JARID2: variants seen among roughly 807,000 people sequenced by gnomAD.
JARID2 encodes jumonji and AT-rich interaction domain containing 2.
In JARID2, 21 loss-of-function variants were observed where a neutral mutation model predicts 125.6. The ratio of observed to expected loss-of-function variants is 0.17; its 90% CI spans 0.12 to 0.24. JARID2 has a LOEUF of 0.24. Among genes scored for constraint, JARID2 ranks in the 10% least tolerant of loss-of-function variants. The pLI is 1.00. For synonymous variants in JARID2, 736 were observed against 661.6 expected (o/e 1.11, Z -1.73); for missense variants, 1,303 against 1,639.6 (o/e 0.79, Z 3.55).
intron 3 of JARID2, among the ~76,000 whole-genome samples, chr6:15,422,590 G>A (rs1246262057): frequency 6.6e-6 from 1 of 152,126 alleles, no homozygotes; most frequent in African/African-American, 2.4e-5. Flanking sequence ...AAAAACCCTT[G>A]GTTCAGACCT....
At chr6:15,361,213 A>G (rs1293934808) in intron 1 of JARID2, among the ~76,000 whole-genome samples, 1 of 152,168 alleles carries the variant, frequency 6.6e-6, no homozygotes, top group African/African-American at 2.4e-5. Flanking sequence ...ATGTTCCAGA[A>G]TTTAACCAGT....
At chr6:15,285,218 C>A (rs1360326551) in intron 1 of JARID2, among the ~76,000 whole-genome samples, 1 of 146,668 alleles carries the variant, frequency 6.8e-6, no homozygotes, top group East Asian at 2.1e-4. Context: ...TCAAGCGATT[C>A]TCTTGCCTCA....
intron 1 of JARID2, among the ~76,000 whole-genome samples, chr6:15,360,434 C>T (rs1453798336): frequency 3.9e-5 from 6 of 152,098 alleles, no homozygotes; most frequent in South Asian, 4.1e-4. Context: ...CTGCCCGCCT[C>T]GGCCTCCGAA....
Position 15,273,715 on chromosome 6 carries a change from A to G in JARID2, c.45+27131A>G, listed in dbSNP as rs146997001. Among the ~76,000 whole-genome samples the G allele has an allele frequency of 4.0e-3, 609 of 152,044 alleles. 8 individuals are homozygous for G. Among genetic ancestry groups the G allele is most frequent in the African/African-American group, 0.014 (579 of 41,320 alleles). ...AAACTCTGTCTCAAAAAACAAACAAACAAGCAAACAAAACAGCTGTTTCTC... is the reference window on the plus strand; with the variant it reads ...AAACTCTGTCTCAAAAAACAAACAAGCAAGCAAACAAAACAGCTGTTTCTC... On this transcript the variant is annotated intron_variant, in intron 1 of 17. Coordinates refer to ENST00000341776, the MANE Select transcript of JARID2 (RefSeq NM_004973.4).
chr6:15,348,150 G>T (rs1581440440), intron 1 of JARID2, among the ~76,000 whole-genome samples: 1 of 151,170 alleles, frequency 6.6e-6, no homozygotes, highest in Non-Finnish European at 1.5e-5. Context: ...GTAGTGCAGT[G>T]GTGTGATCTC....
At chr6:15,310,873 A>G (rs993816185) in intron 1 of JARID2, among the ~76,000 whole-genome samples, 1 of 152,164 alleles carries the variant, frequency 6.6e-6, no homozygotes, top group Non-Finnish European at 1.5e-5. Flanking sequence ...TGTGGGCTGG[A>G]GGTGGCTGAT....
intron 6 of JARID2, among the ~76,000 whole-genome samples, chr6:15,494,032 G>A (rs9476833): frequency 6.6e-6 from 1 of 152,086 alleles, no homozygotes; most frequent in African/African-American, 2.4e-5. Context: ...CTGGGTCTTC[G>A]CTTCTGCCTC....
At position 15,246,257 on chromosome 6, in the gene JARID2, T is replaced by G; in HGVS notation, c.-283T>G. ...AAGGGCGTCGGTTTTTTTTTGTGTG[T>G]GTGTGTATGTGTTTCGGGGGAAATT... On this transcript the variant is annotated 5_prime_UTR_variant, in exon 1 of 18. Transcript: ENST00000341776. The G allele has an allele frequency of 2.7e-5, 13 of 488,654 alleles. No individual in the cohort carries two copies. The highest frequency in any genetic ancestry group is 3.4e-5 in the East Asian group (1 of 29,338). 30.3% of individuals were successfully genotyped at this position (488,654 alleles called of 1,614,324 possible). A position where few individuals can be genotyped will look rare whatever the true frequency, so the allele number is the denominator to read the frequency against.
chr6:15,295,055 A>G (rs1389536036), intron 1 of JARID2, among the ~76,000 whole-genome samples: 1 of 152,058 alleles, frequency 6.6e-6, no homozygotes, highest in African/African-American at 2.4e-5. Context: ...TGCCTGGTAT[A>G]GAACCATCTT....
rs1475906919 is a variant in JARID2 at position 15,513,315 on chromosome 6, G to A, written c.3343G>A (p.Gly1115Ser). The A allele has an allele frequency of 6.2e-7, 1 of 1,609,970 alleles. No homozygotes were observed. Among genetic ancestry groups the A allele is most frequent in the Non-Finnish European group, 8.5e-7 (1 of 1,178,584 alleles). Residue 1115 changes from glycine to serine, a missense_variant, in exon 16 of 18, where the codon GGC becomes AGC. By Grantham distance (56) the Gly-to-Ser change is moderately conservative. This residue lies in a region of JARID2 where 190 missense variants were observed against 341.4 expected (regional missense o/e 0.56). Coordinates refer to ENST00000341776, the MANE Select transcript of JARID2 (RefSeq NM_004973.4). The part of the protein sequence containing the change: ...HSSARYGSHD[G>S]SSTVADGKKK... ...CTCCGCACGCTATGGCAGCCACGATGGCAGCAGCACGGTGGCGGACGGGAA... is the reference window on the plus strand; with the variant it reads ...CTCCGCACGCTATGGCAGCCACGATAGCAGCAGCACGGTGGCGGACGGGAA...
At position 15,383,181 on chromosome 6, in the gene JARID2, T is replaced by C. The variant is rs113907891; in HGVS notation, c.181+8929T>C. Among the ~76,000 whole-genome samples the C allele has an allele frequency of 5.2e-3, 787 of 152,106 alleles. 6 individuals are homozygous for C. The highest frequency in any genetic ancestry group is 0.041 in the South Asian group (197 of 4,810). ...TTGTAGTCTAGAATTTTTTTTTTTT[T>C]CTTTGAAACAGGGTCTTGCATGTTG... On this transcript the variant is annotated intron_variant, in intron 2 of 17. Transcript: ENST00000341776.
chr6:15,454,344 T>C (rs1768056691), intron 4 of JARID2, among the ~76,000 whole-genome samples: 1 of 152,182 alleles, frequency 6.6e-6, no homozygotes, highest in Non-Finnish European at 1.5e-5. Context: ...TCTTAACACA[T>C]AAGAAAGGAG....
chr6:15,321,801 T>G lies in JARID2; in HGVS notation c.46-52316T>G, dbSNP rs1257861531. The stretch of plus-strand genomic sequence containing the variant: ...AATTCTTGTTTTTTTTTTTTTTTTT[T>G]TTTTTTTTTGAGATGGAGTCTCACT... On this transcript the variant is annotated intron_variant, in intron 1 of 17. Transcript: ENST00000341776. 2.1e-5 allele frequency among the ~76,000 whole-genome samples: 3 copies of G among 140,984 alleles called. No individual in the cohort carries two copies. In the East Asian group the frequency reaches 6.1e-4, roughly 29 times the overall value. The allele number at this position is 140,984 out of a possible 152,430, so 92.5% of individuals were successfully genotyped here. A position where few individuals can be genotyped will look rare whatever the true frequency, so the allele number is the denominator to read the frequency against.
rs114797050 is a variant in JARID2, at chr6:15,480,381, C to T, written c.671-6926C>T. ...TTTCAGGTCATACACTGCATAATTC[C>T]AGGATATCTTATAACTTTTGCTGGA... On this transcript the variant is annotated intron_variant, in intron 5 of 17. Coordinates refer to ENST00000341776, the MANE Select transcript of JARID2 (RefSeq NM_004973.4). Among the ~76,000 whole-genome samples, 704 of 152,230 alleles carry T rather than the reference C, an allele frequency of 4.6e-3. 6 individuals are homozygous for T. The highest frequency in any genetic ancestry group is 0.016 in the African/African-American group (661 of 41,528).
At chr6:15,469,626 T>C (rs1768974315) in intron 5 of JARID2, among the ~76,000 whole-genome samples, 1 of 150,920 alleles carries the variant, frequency 6.6e-6, no homozygotes, top group African/African-American at 2.4e-5. Flanking sequence ...CCTAGTGGTT[T>C]TTCAATAGAG....
At chr6:15,516,218 A>G (rs1771552214) in intron 16 of JARID2, among the ~76,000 whole-genome samples, 1 of 152,156 alleles carries the variant, frequency 6.6e-6, no homozygotes, top group Non-Finnish European at 1.5e-5. Context: ...TTGCTTAGAA[A>G]CACCGCAGAC....
At chr6:15,457,062 G>A (rs1352077682) in intron 4 of JARID2, among the ~76,000 whole-genome samples, 1 of 151,862 alleles carries the variant, frequency 6.6e-6, no homozygotes, top group African/African-American at 2.4e-5. Flanking sequence ...CTGTGTGCAT[G>A]TATAATACAT....
intron 1 of JARID2, among the ~76,000 whole-genome samples, chr6:15,291,542 G>A (rs144635673): frequency 2.6e-5 from 4 of 152,288 alleles, no homozygotes; most frequent in East Asian, 3.9e-4. Flanking sequence ...ATGAGAGGAG[G>A]AGCCTTGGCC....
intron 1 of JARID2, among the ~76,000 whole-genome samples, chr6:15,350,541 A>G (rs1763387462): frequency 6.6e-6 from 1 of 152,182 alleles, no homozygotes. Flanking sequence ...TAAAATGCCT[A>G]AAATGACAAA....
Sources: gnomAD v4.1 joint callset for allele counts (sites outside exome capture counted in the v4.1 genomes callset) on GRCh38, gnomAD v4.1.1 for gene constraint, gnomAD v4.1.1 regional missense constraint, MANE v1.5 for transcripts, NCBI Gene and HGNC (gene_info 2026-07-23, HGNC 2026-07-21) for gene names.